NCKAP5: variants seen among roughly 807,000 people sequenced by gnomAD.
NCKAP5 encodes NCK associated protein 5.
In NCKAP5, 92 loss-of-function variants were observed where a neutral mutation model predicts 167.0. The ratio of observed to expected loss-of-function variants is 0.55; its 90% CI spans 0.47 to 0.66. The LOEUF is 0.66. Ranked by LOEUF, NCKAP5 falls within the 30% of genes least tolerant of loss-of-function variation. The pLI, the probability that NCKAP5 is intolerant of heterozygous loss-of-function variation, is 0.00. For synonymous variants in NCKAP5, 891 were observed against 877.4 expected, an observed-to-expected ratio of 1.02 and a Z score of -0.27; for missense variants, 2,378 against 2,315.0, an observed-to-expected ratio of 1.03 and a Z score of -0.56.
At chr2:133,109,963 T>C (rs1200643520) in intron 6 of NCKAP5, among the ~76,000 whole-genome samples, 1 of 152,188 alleles carries the variant, frequency 6.6e-6, no homozygotes, top group Non-Finnish European at 1.5e-5. Context: ...CACAAATTAC[T>C]CATTTCCTTG....
intron 11 of NCKAP5, among the ~76,000 whole-genome samples, chr2:132,839,180 A>G (rs1309799209): frequency 6.6e-6 from 1 of 152,202 alleles, no homozygotes; most frequent in East Asian, 1.9e-4. Context: ...ATTTTCAAAA[A>G]TCATACAAAG....
At position 133,268,960 on chromosome 2, in the gene NCKAP5, GA is replaced by G. The variant is rs2089382841; in HGVS notation, c.143+34076del. 3 of 152,158 alleles carry G rather than the reference GA, an allele frequency of 2.0e-5. No individual in the cohort carries two copies. In the South Asian group the frequency reaches 6.2e-4, roughly 31 times the overall value. 9.4% of individuals were successfully genotyped at this position (152,158 alleles called of 1,614,324 possible). On this transcript the variant is annotated intron_variant, in intron 4 of 19. Transcript: ENST00000409261. The stretch of plus-strand genomic sequence containing the variant: ...GACTAATTTAACTAACATTGTCCAG[GA>G]AATTGCTGTTGTCCAGGAAGAGAAG...
intron 8 of NCKAP5, among the ~76,000 whole-genome samples, chr2:132,879,580 T>C (rs1691589369): frequency 6.6e-6 from 1 of 152,188 alleles, no homozygotes; most frequent in Admixed American, 6.5e-5. Flanking sequence ...TATTAGGTTT[T>C]AGAAGGAGCG....
chr2:132,716,654 T>G (rs2105358174), intron 19 of NCKAP5, among the ~76,000 whole-genome samples: 1 of 152,220 alleles, frequency 6.6e-6, no homozygotes, highest in Admixed American at 6.5e-5. Context: ...GGGGCATCTC[T>G]TCCCTCAAAA....
At chr2:132,961,540 T>C (rs546377243) in intron 8 of NCKAP5, among the ~76,000 whole-genome samples, 2 of 152,172 alleles carry the variant, frequency 1.3e-5, no homozygotes, top group East Asian at 3.9e-4. Flanking sequence ...GTTTTATGAA[T>C]TAAAATAGTG....
chr2:133,058,851 T>A (rs2079891778), intron 6 of NCKAP5, among the ~76,000 whole-genome samples: 1 of 152,208 alleles, frequency 6.6e-6, no homozygotes, highest in Non-Finnish European at 1.5e-5. Context: ...TAGAGAAATA[T>A]TTTATAAAAG....
chr2:133,189,173 A>G (rs2150069809), intron 5 of NCKAP5, among the ~76,000 whole-genome samples: 1 of 152,330 alleles, frequency 6.6e-6, no homozygotes, highest in Non-Finnish European at 1.5e-5. Context: ...CAAATAAACC[A>G]GAAAATCTAG....
At chr2:132,738,544 G>A (rs566614648) in intron 16 of NCKAP5, among the ~76,000 whole-genome samples, 4 of 152,302 alleles carry the variant, frequency 2.6e-5, no homozygotes, top group African/African-American at 7.2e-5. Context: ...CTCATTATAT[G>A]AACTTCTTAA....
intron 3 of NCKAP5, among the ~76,000 whole-genome samples, chr2:133,313,283 G>C (rs970039964): frequency 6.6e-6 from 1 of 152,206 alleles, no homozygotes; most frequent in South Asian, 2.1e-4. Context: ...TTGGGCATCT[G>C]TGTAAGTTTG....
At chr2:133,298,269 A>G (rs1431412968) in intron 4 of NCKAP5, among the ~76,000 whole-genome samples, 3 of 152,002 alleles carry the variant, frequency 2.0e-5, no homozygotes, top group Admixed American at 2.0e-4. Flanking sequence ...TTTCAATACC[A>G]CCCATTTCCA....
intron 7 of NCKAP5, among the ~76,000 whole-genome samples, chr2:132,982,244 G>A (rs1490485423): frequency 6.6e-6 from 1 of 152,084 alleles, no homozygotes; most frequent in Admixed American, 6.6e-5. Flanking sequence ...TATGTCTAAG[G>A]AACCACTGGG....
At chr2:133,241,787 T>C (rs1307490444) in intron 4 of NCKAP5, among the ~76,000 whole-genome samples, 1 of 152,184 alleles carries the variant, frequency 6.6e-6, no homozygotes. Flanking sequence ...AATTTCAGAA[T>C]GAGATGGGTG....
chr2:132,849,492 A>G (rs75729721), intron 11 of NCKAP5, among the ~76,000 whole-genome samples: 8,819 of 152,240 alleles, frequency 0.058, 385 homozygotes, highest in East Asian at 0.2. Flanking sequence ...TTGGGCCAAT[A>G]TCTCATTCAC....
intron 5 of NCKAP5, among the ~76,000 whole-genome samples, chr2:133,187,381 C>A (rs542856300): frequency 6.6e-6 from 1 of 151,902 alleles, no homozygotes; most frequent in African/African-American, 2.4e-5. Context: ...AAAGACAATG[C>A]CATTTATAAT....
At chr2:133,461,208 ATTAT>A (rs1692180684) in intron 3 of NCKAP5, among the ~76,000 whole-genome samples, 1 of 152,166 alleles carries the variant, frequency 6.6e-6, no homozygotes, top group Admixed American at 6.6e-5. Flanking sequence ...AAATAGAAAC[ATTAT>A]TTATCTTTGA....
intron 3 of NCKAP5, among the ~76,000 whole-genome samples, chr2:133,355,808 T>C (rs1347798698): frequency 1.3e-5 from 2 of 152,192 alleles, no homozygotes; most frequent in Non-Finnish European, 2.9e-5. Flanking sequence ...TATAATCACC[T>C]CACATATTTG....
intron 1 of NCKAP5, among the ~76,000 whole-genome samples, 166 bp downstream of exon 1, chr2:133,568,050 A>G (rs1688692916): frequency 6.6e-6 from 1 of 152,118 alleles, no homozygotes; most frequent in South Asian, 2.1e-4. Context: ...ATTCCAGTCC[A>G]CTTTAGGGCC....
chr2:133,641,368 A>G, the NCKAP5 span, among the ~76,000 whole-genome samples: 7 of 152,208 alleles, frequency 4.6e-5, no homozygotes, highest in Non-Finnish European at 1.0e-4. Flanking sequence ...TTTCTCCACC[A>G]TCTAATGGCT....
the NCKAP5 span, among the ~76,000 whole-genome samples, chr2:133,608,328 T>G: frequency 6.6e-6 from 1 of 152,332 alleles, no homozygotes; most frequent in East Asian, 1.9e-4. Flanking sequence ...AGCCAAAGGA[T>G]CTTAAGAGAG....
Sources: gnomAD v4.1 joint callset for allele counts (sites outside exome capture counted in the v4.1 genomes callset) on GRCh38, gnomAD v4.1.1 for gene constraint, MANE v1.5 for transcripts, NCBI Gene and HGNC (gene_info 2026-07-23, HGNC 2026-07-21) for gene names.